INPPL1: variants seen among roughly 807,000 people sequenced by gnomAD.
INPPL1 encodes phosphatidylinositol 3,4,5-trisphosphate 5-phosphatase 2.
Under a neutral mutation model 139.3 loss-of-function variants are expected in INPPL1, and 91 were observed. The observed-to-expected ratio is 0.65, with a 90% CI of 0.55 to 0.78. The LOEUF (loss-of-function observed/expected upper bound fraction) is 0.78. Ranked by LOEUF, INPPL1 falls within the 30% of genes least tolerant of loss-of-function variation. The pLI, the probability that INPPL1 is intolerant of heterozygous loss-of-function variation, is 0.00. For synonymous variants in INPPL1, 719 were observed against 686.6 expected, an observed-to-expected ratio of 1.05 and a Z score of -0.74; for missense variants, 1,411 against 1,665.6, an observed-to-expected ratio of 0.85 and a Z score of 2.66.
chr11:72,235,366 C>T lies in INPPL1; in HGVS notation c.2574C>T (p.His858=). 1.2e-6 allele frequency: 2 copies of T among 1,614,090 alleles called. No homozygotes were observed. The highest frequency in any genetic ancestry group is 1.7e-5 in the Admixed American group (1 of 60,018). ...AACAGTTCCTGACCTTCCTATCCCA[C>T]CGTGGCGAGGAGACAGGCAATATCA... is the stretch of plus-strand genomic sequence containing the variant. ...TAQQFLTFLS[H]RGEETGNIRG... Residue 858 remains histidine, a synonymous_variant, in exon 23 of 28, where the codon CAC becomes CAT. Coordinates refer to ENST00000298229, the MANE Select transcript of INPPL1 (RefSeq NM_001567.4). The surrounding 1 kb of genome is among the most constrained non-coding windows in gnomAD (Gnocchi z 4.9).
chr11:72,232,372 C>T (rs945981539), intron 14 of INPPL1, 36 bp downstream of exon 14: 8 of 1,520,770 alleles, frequency 5.3e-6, no homozygotes, highest in Non-Finnish European at 6.3e-6. Flanking sequence ...TCTTTACACC[C>T]ATCCCATTCA....
intron 7 of INPPL1, 84 bp from the exon 8 acceptor site, chr11:72,229,840 C>T: frequency 6.4e-7 from 1 of 1,557,794 alleles, no homozygotes; most frequent in Non-Finnish European, 8.8e-7. Context: ...TACAACTTAA[C>T]ATTGGCCCCA....
At chr11:72,236,956 C>T (rs1949003731) in intron 25 of INPPL1, among the ~76,000 whole-genome samples, 168 bp from the exon 26 acceptor site, 1 of 152,206 alleles carries the variant, frequency 6.6e-6, no homozygotes, top group Non-Finnish European at 1.5e-5. Flanking sequence ...TATCCTCCCT[C>T]TGACCTTTAG....
rs1391020323 is a variant in INPPL1, at chr11:72,237,298, C to T, written c.3054C>T (p.Ala1018=). The change falls in exon 26 of 28, where the codon GCC becomes GCT. Residue 1018 remains alanine (A), a synonymous_variant. Transcript: ENST00000298229. The stretch of plus-strand genomic sequence containing the variant: ...CATCTGCCACCAAGAACAAAGTGGC[C>T]ATTACAGTGCCTGCTCCACAGCTTG... The part of the protein sequence containing the change: ...PVPSATKNKV[A]ITVPAPQLGH... 1 of 1,614,054 alleles carries T rather than the reference C, an allele frequency of 6.2e-7. No homozygotes were observed. Among genetic ancestry groups the T allele is most frequent in the South Asian group, 1.1e-5 (1 of 91,070 alleles).
intron 16 of INPPL1, 48 bp from the exon 17 acceptor site, chr11:72,233,027 C>A: frequency 6.2e-7 from 1 of 1,609,212 alleles, no homozygotes; most frequent in South Asian, 1.1e-5. Context: ...CTTGCAGTAT[C>A]CCTGGGTGTC....
intron 1 of INPPL1, among the ~76,000 whole-genome samples, chr11:72,226,405 T>C (rs1173531061): frequency 6.6e-6 from 1 of 152,116 alleles, no homozygotes; most frequent in Non-Finnish European, 1.5e-5. Context: ...GGTCTTGAAC[T>C]CCTGACCTCA....
intron 1 of INPPL1, among the ~76,000 whole-genome samples, chr11:72,225,837 G>T (rs751763414): frequency 3.3e-5 from 5 of 152,234 alleles, no homozygotes; most frequent in Non-Finnish European, 5.9e-5. Flanking sequence ...AGCAGAGCCA[G>T]ACTTGGTGCT....
chr11:72,237,981 G>GT, intron 26 of INPPL1, 61 bp from the exon 27 acceptor site: 4 of 1,497,552 alleles, frequency 2.7e-6, no homozygotes, highest in Non-Finnish European at 3.5e-6. Context: ...GCAGCAGAAT[G>GT]TGACTGCAGG....
In INPPL1 at chr11:72,237,686, G is replaced by A. The variant is rs1165684882; in HGVS notation, c.3442G>A (p.Gly1148Ser). 1.2e-6 allele frequency: 2 copies of A among 1,612,044 alleles called. No homozygotes were observed. The highest frequency in any genetic ancestry group is 1.7e-5 in the Admixed American group (1 of 59,914). The change falls in exon 26 of 28, where the codon GGC becomes AGC. Residue 1148 changes from glycine to serine, a missense_variant. Gly to Ser is a moderately conservative substitution (Grantham distance 56). This residue lies in a region of INPPL1 where 438 missense variants were observed against 425.7 expected (regional missense o/e 1.03). Transcript: ENST00000298229. ...GCCTGCACGCTCAGCGCTCCTCCCAGGCCCCCTGGAGCTGCAGCCCCCCCG... is the reference window on the plus strand; with the variant it reads ...GCCTGCACGCTCAGCGCTCCTCCCAAGCCCCCTGGAGCTGCAGCCCCCCCG... ...AGPARSALLP[G>S]PLELQPPRGL...
chr11:72,236,098 T>G, intron 25 of INPPL1, 112 bp downstream of exon 25: 1 of 656,004 alleles, frequency 1.5e-6, no homozygotes. Flanking sequence ...TTAGGTGCCC[T>G]GCCACTCTGT....
chr11:72,235,170 A>C lies in INPPL1; in HGVS notation c.2470A>C (p.Thr824Pro). 1 of 1,614,004 alleles carries C rather than the reference A, an allele frequency of 6.2e-7. No homozygotes were observed. Among genetic ancestry groups the C allele is most frequent in the Non-Finnish European group, 8.5e-7 (1 of 1,179,978 alleles). The change falls in exon 22 of 28, where the codon ACA becomes CCA. Residue 824 changes from threonine (T) to proline (P), a missense_variant. Coordinates refer to ENST00000298229, the MANE Select transcript of INPPL1 (RefSeq NM_001567.4). The surrounding 1 kb of genome is among the most constrained non-coding windows in gnomAD (Gnocchi z 4.9). The part of the protein sequence containing the change: ...EYLQDQHLLL[T>P]VKSMDGYESY... ...CCTGCAGGACCAGCACCTCCTGCTC[A>C]CAGTCAAGTCCATGGATGGCTATGA...
chr11:72,228,354 C>T lies in INPPL1; in HGVS notation c.253C>T (p.Gln85Ter). 6.2e-7 allele frequency: 1 copy of T among 1,613,722 alleles called. No individual in the cohort carries two copies. The highest frequency in any genetic ancestry group is 8.5e-7 in the Non-Finnish European group (1 of 1,179,938). The change falls in exon 3 of 28, where the codon CAG (glutamine) becomes TAG (stop). Residue 85 changes from glutamine (Q) to a stop codon, truncating the protein, a stop_gained. Coordinates refer to ENST00000298229, the MANE Select transcript of INPPL1 (RefSeq NM_001567.4). LOFTEE classifies it high-confidence loss of function. This position sits in a 1 kb window ranked among gnomAD's most constrained non-coding sequence, Gnocchi z 5.0. ...CACCCTTGCTGGCCCACAGACCTCG[C>T]AGGGTGTGCCTGTGCGCCGCTTCCA... is the stretch of plus-strand genomic sequence containing the variant. Reference protein sequence around the residue: ...GEDFLAVQTSQGVPVRRFQTL... With the variant: ...GEDFLAVQTS
chr11:72,224,260 G>C (rs1292279450), upstream of INPPL1, among the ~76,000 whole-genome samples: 1 of 151,668 alleles, frequency 6.6e-6, no homozygotes, highest in Non-Finnish European at 1.5e-5. Flanking sequence ...CCGTGGAGTT[G>C]GGGGTTCAGA....
Position 72,234,019 on chromosome 11 carries a change from T to C in INPPL1, c.2213-262T>C, listed in dbSNP as rs150400009. On this transcript the variant is annotated intron_variant, in intron 19 of 27. Transcript: ENST00000298229. This position sits in a 1 kb window ranked among gnomAD's most constrained non-coding sequence, Gnocchi z 4.2. ...CCACGTGTGTGTCCCTGAGTATGCC[T>C]GTAGGTGTGGGAATCCTGCAGGCAT... Among the ~76,000 whole-genome samples the C allele has an allele frequency of 1.6e-3, 242 of 152,318 alleles. No homozygotes were observed. Among genetic ancestry groups the C allele is most frequent in the African/African-American group, 5.7e-3 (236 of 41,566 alleles).
chr11:72,224,917 G>A lies in INPPL1; in HGVS notation c.-68G>A. 1 of 1,007,482 alleles carries A rather than the reference G, an allele frequency of 9.9e-7. No homozygotes were observed. Among genetic ancestry groups the A allele is most frequent in the Non-Finnish European group, 1.2e-6 (1 of 838,138 alleles). The allele number at this position is 1,007,482 out of a possible 1,614,324, so 62.4% of individuals were successfully genotyped here. A position where few individuals can be genotyped will look rare whatever the true frequency, so the allele number is the denominator to read the frequency against. On this transcript the variant is annotated 5_prime_UTR_variant, in exon 1 of 28. Coordinates refer to ENST00000298229, the MANE Select transcript of INPPL1 (RefSeq NM_001567.4). Reference sequence around the variant, plus strand: ...GGCCCCGGGCCCGGCCCCAGCCTCAGCCCTGAGCGTCTCGGGGCGGATGGC... The same window carrying A: ...GGCCCCGGGCCCGGCCCCAGCCTCAACCCTGAGCGTCTCGGGGCGGATGGC...
At chr11:72,232,202 G>A (rs1948854299) in intron 13 of INPPL1, 38 bp from the exon 14 acceptor site, 3 of 1,493,268 alleles carry the variant, frequency 2.0e-6, no homozygotes, top group Non-Finnish European at 1.8e-6. Context: ...AGCCCTCTGA[G>A]GATGACCCAG....
In INPPL1 at chr11:72,232,662, C is replaced by G; in HGVS notation, c.1749C>G (p.Leu583=). ...NQNYLDILRL[L]SLGDRQLNAF... is the part of the protein sequence containing the mutation. ...ACTACTTGGACATCCTGCGGCTGCT[C>G]TCGCTGGGCGACCGGCAGCTCAATG... is the stretch of plus-strand genomic sequence containing the variant. Residue 583 remains leucine, a synonymous_variant, in exon 15 of 28, where the codon CTC becomes CTG. Coordinates refer to ENST00000298229, the MANE Select transcript of INPPL1 (RefSeq NM_001567.4). 1 of 1,614,064 alleles carries G rather than the reference C, an allele frequency of 6.2e-7. No individual in the cohort carries two copies. The highest frequency in any genetic ancestry group is 8.5e-7 in the Non-Finnish European group (1 of 1,180,024).
chr11:72,229,893 CCT>C (rs1413377091), intron 7 of INPPL1, 29 bp from the exon 8 acceptor site: 2 of 1,606,006 alleles, frequency 1.2e-6, no homozygotes, highest in Middle Eastern at 1.8e-4. Context: ...CAGTGTGTCC[CCT>C]GACCCCGCCC....
Position 72,224,897 on chromosome 11 carries a change from C to T in INPPL1, c.-88C>T. On this transcript the variant is annotated 5_prime_UTR_variant, in exon 1 of 28. Coordinates refer to ENST00000298229, the MANE Select transcript of INPPL1 (RefSeq NM_001567.4). ...CCCACGGATCCTCAAGCCCGGGCCCCGGGCCCGGCCCCAGCCTCAGCCCTG... is the reference window on the plus strand; with the variant it reads ...CCCACGGATCCTCAAGCCCGGGCCCTGGGCCCGGCCCCAGCCTCAGCCCTG... The T allele has an allele frequency of 1.1e-6, 1 of 933,730 alleles. No individual in the cohort carries two copies. The allele number at this position is 933,730 out of a possible 1,614,324, so 57.8% of individuals were successfully genotyped here.
Sources: allele counts gnomAD v4.1 joint callset (sites outside exome capture counted in the v4.1 genomes callset), GRCh38; gene constraint gnomAD v4.1.1; regional missense constraint gnomAD v4.1.1; non-coding constraint Gnocchi (gnomAD v3.1); transcripts MANE v1.5; gene names NCBI Gene and HGNC (gene_info 2026-07-23, HGNC 2026-07-21).